The following GALNT5 variants were observed in gnomAD, a reference collection of about 807,000 sequenced individuals.
GALNT5 encodes the protein polypeptide N-acetylgalactosaminyltransferase 5, also known as UDP-GalNAc:polypeptide N-acetylgalactosaminyltransferase 5.
GALNT5 carries 72 observed loss-of-function variants against 85.4 expected under a neutral mutation model. The ratio of observed to expected loss-of-function variants is 0.84; its 90% confidence interval spans 0.70 to 1.03. The LOEUF (loss-of-function observed/expected upper bound fraction) is 1.03. Ranked by LOEUF, GALNT5 falls within the 50% of genes least tolerant of loss-of-function variation. The pLI, the probability that GALNT5 is intolerant of heterozygous loss-of-function variation, is 0.00. For synonymous variants in GALNT5, 404 were observed against 397.0 expected (o/e 1.02, Z -0.21); for missense variants, 1,137 against 1,135.5 (o/e 1.00, Z -0.02).
At chr2:157,307,246 T>A (rs895957213) in intron 8 of GALNT5, among the ~76,000 whole-genome samples, 1 of 152,094 alleles carries the variant, frequency 6.6e-6, no homozygotes, top group Admixed American at 6.5e-5. Flanking sequence ...TAATAAAAAG[T>A]AAAGAAATGT....
In GALNT5 at chr2:157,315,312, G is replaced by A. The variant is rs1558908883; in HGVS notation, c.*3964G>A. Among the ~76,000 whole-genome samples the A allele has an allele frequency of 6.6e-6, 1 of 152,126 alleles. No homozygotes were observed. Among genetic ancestry groups the A allele is most frequent in the Non-Finnish European group, 1.5e-5 (1 of 68,026 alleles). On this transcript the variant is annotated 3_prime_UTR_variant, in exon 10 of 10. Coordinates refer to ENST00000259056, the MANE Select transcript of GALNT5 (RefSeq NM_014568.3). ...AGAAGGATAACTCCCACATACAGATGAGGAATTTGGTAAATTGCCCAAGGT... is the reference window on the plus strand; with the variant it reads ...AGAAGGATAACTCCCACATACAGATAAGGAATTTGGTAAATTGCCCAAGGT...
rs149827738 is a variant in GALNT5 at position 157,315,456 on chromosome 2, A to G, written c.*4108A>G. Among the ~76,000 whole-genome samples, 6 of 152,340 alleles carry G rather than the reference A, an allele frequency of 3.9e-5. No individual in the cohort carries two copies. The East Asian group carries it at 1.2e-3, about 29-fold the overall frequency. On this transcript the variant is annotated 3_prime_UTR_variant, in exon 10 of 10. Coordinates refer to ENST00000259056, the MANE Select transcript of GALNT5 (RefSeq NM_014568.3). ...CTTCTTTACAAAGGGCTGTCATCTC[A>G]GGTGGGTGCATTTAAAAGTTTCTTG...
Position 157,259,169 on chromosome 2 carries a change from A to C in GALNT5, c.1087A>C (p.Arg363=), listed in dbSNP as rs1315778945. 2 of 1,523,064 alleles carry C rather than the reference A, an allele frequency of 1.3e-6. No homozygotes were observed. The highest frequency in any genetic ancestry group is 2.2e-5 in the Admixed American group (1 of 45,216). The allele number at this position is 1,523,064 out of a possible 1,614,324, so 94.3% of individuals were successfully genotyped here. A position where few individuals can be genotyped will look rare whatever the true frequency, so the allele number is the denominator to read the frequency against. ...CCAAAGTAAACACATTTCCAGGAATAGAAGTGAGATGTCTTCCTCTTCACT... is the reference window on the plus strand; with the variant it reads ...CCAAAGTAAACACATTTCCAGGAATCGAAGTGAGATGTCTTCCTCTTCACT... ...KSQSKHISRN[R]SEMSSSSLAP... is the part of the protein sequence containing the mutation. Residue 363 remains arginine (R), a synonymous_variant, in exon 1 of 10, where the codon AGA becomes CGA. Coordinates refer to ENST00000259056, the MANE Select transcript of GALNT5 (RefSeq NM_014568.3).
chr2:157,309,197 C>T (rs1238084556), intron 9 of GALNT5, among the ~76,000 whole-genome samples: 3 of 152,172 alleles, frequency 2.0e-5, no homozygotes, highest in South Asian at 4.2e-4. Context: ...ACCCAGAAAC[C>T]GGGGCTTCTA....
chr2:157,258,589 A>C lies in GALNT5; in HGVS notation c.507A>C (p.Pro169=). The C allele has an allele frequency of 6.2e-7, 1 of 1,613,574 alleles. No homozygotes were observed. Among genetic ancestry groups the C allele is most frequent in the South Asian group, 1.1e-5 (1 of 91,018 alleles). The change falls in exon 1 of 10, where the codon CCA becomes CCC. Residue 169 remains proline, a synonymous_variant. Transcript: ENST00000259056. ...TPKQTTAQGA[P]KTSFIAAKGT... ...AGCAAACGACAGCTCAGGGGGCTCC[A>C]AAGACCTCATTCATAGCAGCAAAAG...
At chr2:157,301,122 G>A in intron 7 of GALNT5, 123 bp downstream of exon 7, 1 of 701,390 alleles carries the variant, frequency 1.4e-6, no homozygotes, top group Non-Finnish European at 2.4e-6. Flanking sequence ...AGCAAAGATG[G>A]GACAAAGCAT....
Position 157,314,490 on chromosome 2 carries a change from A to C in GALNT5, c.*3142A>C, listed in dbSNP as rs1683651657. ...TCCCCTCAGCTGTCATTCACAGCAAACCACCATGTGCCATGATCACAATGT... is the reference window on the plus strand; with the variant it reads ...TCCCCTCAGCTGTCATTCACAGCAACCCACCATGTGCCATGATCACAATGT... On this transcript the variant is annotated 3_prime_UTR_variant, in exon 10 of 10. Coordinates refer to ENST00000259056, the MANE Select transcript of GALNT5 (RefSeq NM_014568.3). Among the ~76,000 whole-genome samples, 1 of 152,208 alleles carries C rather than the reference A, an allele frequency of 6.6e-6. No individual in the cohort carries two copies. Among genetic ancestry groups the C allele is most frequent in the Non-Finnish European group, 1.5e-5 (1 of 68,032 alleles).
At chr2:157,299,259 C>T (rs1334125708) in intron 5 of GALNT5, 2 of 250,708 alleles carry the variant, frequency 8.0e-6, no homozygotes, top group Non-Finnish European at 1.5e-5. Flanking sequence ...ACTCCCTTAG[C>T]CCTGAATAAG....
intron 8 of GALNT5, 44 bp from the exon 9 acceptor site, chr2:157,308,523 G>T: frequency 6.6e-7 from 1 of 1,508,630 alleles, no homozygotes; most frequent in Non-Finnish European, 9.0e-7. Flanking sequence ...GCCCCTGCCT[G>T]TGTTTGCTGC....
At position 157,258,807 on chromosome 2, in the gene GALNT5, C is replaced by A; in HGVS notation, c.725C>A (p.Ala242Asp). The A allele has an allele frequency of 1.2e-6, 2 of 1,600,926 alleles. No individual in the cohort carries two copies. Among genetic ancestry groups the A allele is most frequent in the East Asian group, 2.2e-5 (1 of 44,558 alleles). The change falls in exon 1 of 10, where the codon GCC becomes GAC. Residue 242 changes from alanine to aspartate, a missense_variant. By Grantham distance (126) the Ala-to-Asp change is moderately radical. Transcript: ENST00000259056. ...QAVANERAHP[A>D]STAVPKSGEA... ...GTAGCAAACGAGAGGGCACACCCTG[C>A]CAGCACAGCAGTGCCGAAGTCTGGG...
intron 3 of GALNT5, among the ~76,000 whole-genome samples, chr2:157,288,933 A>G (rs1442539971): frequency 6.6e-6 from 1 of 152,176 alleles, no homozygotes; most frequent in Non-Finnish European, 1.5e-5. Context: ...GAGAATAAGA[A>G]TGACACCAAT....
intron 1 of GALNT5, among the ~76,000 whole-genome samples, chr2:157,264,138 T>C (rs1389026827): frequency 6.6e-6 from 1 of 151,282 alleles, no homozygotes; most frequent in African/African-American, 2.5e-5. Context: ...CTCCTAATGA[T>C]TGAAGTTTGT....
At chr2:157,265,367 G>A (rs950410499) in intron 1 of GALNT5, among the ~76,000 whole-genome samples, 5 of 152,158 alleles carry the variant, frequency 3.3e-5, no homozygotes. Context: ...AAAGATTAGA[G>A]GAGAAGAATG....
At chr2:157,267,357 C>A (rs2105150145) in intron 1 of GALNT5, among the ~76,000 whole-genome samples, 1 of 152,230 alleles carries the variant, frequency 6.6e-6, no homozygotes, top group Non-Finnish European at 1.5e-5. Flanking sequence ...TGATTTAAGA[C>A]CATAGAAATA....
At chr2:157,265,791 T>G (rs776035540) in intron 1 of GALNT5, among the ~76,000 whole-genome samples, 5 of 152,196 alleles carry the variant, frequency 3.3e-5, no homozygotes, top group Non-Finnish European at 5.9e-5. Context: ...GAAGCTGTAT[T>G]TTGCTGTTTG....
intron 1 of GALNT5, among the ~76,000 whole-genome samples, chr2:157,269,999 C>T (rs2105124156): frequency 6.6e-6 from 1 of 152,030 alleles, no homozygotes. Context: ...AAAAATGTAA[C>T]TGTGAAATGT....
At position 157,258,427 on chromosome 2, in the gene GALNT5, G is replaced by A; in HGVS notation, c.345G>A (p.Gln115=). The A allele has an allele frequency of 6.2e-7, 1 of 1,609,782 alleles. No homozygotes were observed. Among genetic ancestry groups the A allele is most frequent in the Admixed American group, 1.7e-5 (1 of 59,306 alleles). Residue 115 remains glutamine (Q), a synonymous_variant, in exon 1 of 10, where the codon CAG becomes CAA. Coordinates refer to ENST00000259056, the MANE Select transcript of GALNT5 (RefSeq NM_014568.3). ...AAACCCAGAGGGAAAGAAAAATGCA[G>A]AATGCCCTGGGAAGGGGCAAGGTTG... ...LDQTQRERKM[Q]NALGRGKVVP...
intron 7 of GALNT5, among the ~76,000 whole-genome samples, chr2:157,304,923 T>C (rs1683421721): frequency 6.6e-6 from 1 of 152,196 alleles, no homozygotes; most frequent in African/African-American, 2.4e-5. Flanking sequence ...ACACAAATAG[T>C]GTCCCTGGCA....
intron 3 of GALNT5, among the ~76,000 whole-genome samples, chr2:157,294,592 C>G (rs960050345): frequency 6.6e-6 from 1 of 152,104 alleles, no homozygotes; most frequent in Non-Finnish European, 1.5e-5. Flanking sequence ...ACCTGGACCG[C>G]AACTCCCTTT....
Sources: allele counts gnomAD v4.1 joint callset (sites outside exome capture counted in the v4.1 genomes callset), GRCh38; gene constraint gnomAD v4.1.1; transcripts MANE v1.5; gene names NCBI Gene and HGNC (gene_info 2026-07-23, HGNC 2026-07-21).